SLC22A23: variants seen among roughly 807,000 people sequenced by gnomAD.
SLC22A23 encodes the protein solute carrier family 22 member 23.
Under a neutral mutation model 61.0 loss-of-function variants are expected in SLC22A23, and 26 were observed. The ratio of observed to expected loss-of-function variants is 0.43; its 90% CI spans 0.31 to 0.59. The LOEUF (loss-of-function observed/expected upper bound fraction) is 0.59. SLC22A23 is among the 20% of genes least tolerant of loss of function. The pLI is 0.11. For synonymous variants in SLC22A23, 430 were observed against 413.9 expected, an observed-to-expected ratio of 1.04 and a Z score of -0.47; for missense variants, 796 against 934.7, an observed-to-expected ratio of 0.85 and a Z score of 1.94.
rs1319113361 is a variant in SLC22A23 at position 3,322,611 on chromosome 6, C to A, written c.1082+1223G>T. 1.3e-5 allele frequency among the ~76,000 whole-genome samples: 2 copies of A among 152,132 alleles called. No homozygotes were observed. The highest frequency in any genetic ancestry group is 2.9e-5 in the Non-Finnish European group (2 of 68,018). ...GCCTTTTCCCATCTGCTATTGCTGG[C>A]CCCCTGCTGCTGCCGAGGTCCTCAT... On this transcript the variant is annotated intron_variant, in intron 4 of 9. Transcript: ENST00000406686. This position sits in a 1 kb window ranked among gnomAD's most constrained non-coding sequence, Gnocchi z 4.1.
intron 3 of SLC22A23, among the ~76,000 whole-genome samples, chr6:3,378,250 G>A (rs1766712081): frequency 6.6e-6 from 1 of 152,146 alleles, no homozygotes; most frequent in African/African-American, 2.4e-5. Context: ...TTGTCAGGTG[G>A]GTGCACTGAG....
chr6:3,325,155 G>A (rs1203446229), intron 3 of SLC22A23, among the ~76,000 whole-genome samples: 2 of 152,126 alleles, frequency 1.3e-5, no homozygotes, highest in African/African-American at 2.4e-5. Context: ...CAGACCCTTC[G>A]GAGAGAACAC....
chr6:3,395,148 A>T (rs7756955), intron 3 of SLC22A23, among the ~76,000 whole-genome samples: 147,016 of 152,338 alleles, frequency 0.97, 71,044 homozygotes, highest in East Asian at 1. Context: ...TCAGTGAAAA[A>T]CTTAGTCTTA....
intron 9 of SLC22A23, among the ~76,000 whole-genome samples, chr6:3,273,743 A>T (rs1349933266): frequency 6.6e-6 from 1 of 152,236 alleles, no homozygotes; most frequent in Non-Finnish European, 1.5e-5. Flanking sequence ...ATACTACTGT[A>T]AATGGGAAGC....
chr6:3,434,742 G>A (rs993887306), intron 1 of SLC22A23, among the ~76,000 whole-genome samples: 8 of 152,308 alleles, frequency 5.3e-5, no homozygotes, highest in East Asian at 3.9e-4. Flanking sequence ...GAGGAGACGC[G>A]AGGGGTGTGG....
chr6:3,310,288 A>AC (rs1762283956), intron 4 of SLC22A23, among the ~76,000 whole-genome samples: 3 of 140,268 alleles, frequency 2.1e-5, no homozygotes, highest in Non-Finnish European at 4.5e-5. Context: ...CCTGTCTCCC[A>AC]GGGAGCACCC....
In SLC22A23 at chr6:3,317,702, T is replaced by C. The variant is rs1489335753; in HGVS notation, c.1082+6132A>G. On this transcript the variant is annotated intron_variant, in intron 4 of 9. Coordinates refer to ENST00000406686, the MANE Select transcript of SLC22A23 (RefSeq NM_015482.2). This position sits in a 1 kb window ranked among gnomAD's most constrained non-coding sequence, Gnocchi z 4.4. ...CAGGCATCTGCGTCCATCAGTGCAA[T>C]CACCCAGCGCTTTGACGGCGTCTAC... is the stretch of plus-strand genomic sequence containing the variant. Among the ~76,000 whole-genome samples, 1 of 152,102 alleles carries C rather than the reference T, an allele frequency of 6.6e-6. No individual in the cohort carries two copies. The highest frequency in any genetic ancestry group is 1.9e-4 in the East Asian group (1 of 5,170).
rs928027 is a variant in SLC22A23 at position 3,454,812 on chromosome 6, G to T, written c.654+1094C>A. 0.79 allele frequency among the ~76,000 whole-genome samples: 120,860 copies of T among 152,146 alleles called. 48,523 individuals are homozygous for T. The highest frequency in any genetic ancestry group is 0.89 in the African/African-American group (37,035 of 41,532). ...GTAAGAGTTTATCTTACACATCCAT[G>T]AGCTACAACTGTTAACCAATGCACA... On this transcript the variant is annotated intron_variant, in intron 1 of 9. Transcript: ENST00000406686. The surrounding 1 kb of genome is among the most constrained non-coding windows in gnomAD (Gnocchi z 4.3).
Position 3,456,477 on chromosome 6 carries a change from G to A in SLC22A23, c.83C>T (p.Pro28Leu). 8.5e-7 allele frequency: 1 copy of A among 1,177,800 alleles called. No individual in the cohort carries two copies. The highest frequency in any genetic ancestry group is 1.0e-6 in the Non-Finnish European group (1 of 955,962). 73.0% of individuals were successfully genotyped at this position (1,177,800 alleles called of 1,614,324 possible). A position where few individuals can be genotyped will look rare whatever the true frequency, so the allele number is the denominator to read the frequency against. Residue 28 changes from proline (P) to leucine (L), a missense_variant, in exon 1 of 10, where the codon CCG (proline) becomes CTG (leucine). Pro to Leu is a moderately conservative substitution (Grantham distance 98). Transcript: ENST00000406686. The surrounding 1 kb of genome is among the most constrained non-coding windows in gnomAD (Gnocchi z 7.1). ...CGCCGAGGCCGCCGCGTCCCCGGGCGGCAGGGAGCCGTTCTCCTCGGCCGG... is the reference window on the plus strand; with the variant it reads ...CGCCGAGGCCGCCGCGTCCCCGGGCAGCAGGGAGCCGTTCTCCTCGGCCGG... Reference protein sequence around the residue: ...PAPAEENGSLPPGDAAASAPL... With the variant: ...PAPAEENGSLLPGDAAASAPL...
chr6:3,371,421 A>G (rs1766209584), intron 3 of SLC22A23, among the ~76,000 whole-genome samples: 1 of 152,250 alleles, frequency 6.6e-6, no homozygotes. Flanking sequence ...GTCACAAAAC[A>G]TTGAGCTTTT....
chr6:3,385,383 G>T (rs954194298), intron 3 of SLC22A23, among the ~76,000 whole-genome samples: 1 of 152,142 alleles, frequency 6.6e-6, no homozygotes, highest in Non-Finnish European at 1.5e-5. Flanking sequence ...GGGTGCGGTG[G>T]CCCATGGCTA....
intron 3 of SLC22A23, among the ~76,000 whole-genome samples, chr6:3,394,266 TCA>T (rs1444209883): frequency 6.6e-6 from 1 of 152,056 alleles, no homozygotes. Flanking sequence ...GATCCGTGTA[TCA>T]CAGAGTCATC....
At chr6:3,289,119 G>GACC (rs1307577318) in intron 6 of SLC22A23, among the ~76,000 whole-genome samples, 1 of 152,222 alleles carries the variant, frequency 6.6e-6, no homozygotes, top group Non-Finnish European at 1.5e-5. Flanking sequence ...CTGAACAAGG[G>GACC]ACCACCTTGC....
intron 3 of SLC22A23, among the ~76,000 whole-genome samples, chr6:3,325,900 C>T (rs774750322): frequency 4.6e-5 from 7 of 152,356 alleles, no homozygotes; most frequent in South Asian, 2.1e-4. Context: ...AGCATGATGG[C>T]GTCGTATCAG....
At position 3,415,070 on chromosome 6, in the gene SLC22A23, GGT is replaced by G. The variant is rs1161517211; in HGVS notation, c.758+680_758+681del. 1.3e-5 allele frequency among the ~76,000 whole-genome samples: 2 copies of G among 152,142 alleles called. 1 individual carries two copies. The highest frequency in any genetic ancestry group is 6.3e-3 in the Middle Eastern group (2 of 316). ...GGTAATAATAGCATCTCCTATTCGGGGTGTTGTAAGGAGATGTTAATGTATGG... is the reference window on the plus strand; with the variant it reads ...GGTAATAATAGCATCTCCTATTCGGGGTTGTAAGGAGATGTTAATGTATGG... On this transcript the variant is annotated intron_variant, in intron 2 of 9. Coordinates refer to ENST00000406686, the MANE Select transcript of SLC22A23 (RefSeq NM_015482.2).
chr6:3,402,416 C>CAACCCCAATCACCCACACTACCCA lies in SLC22A23; in HGVS notation c.913+7771_913+7772insTGGGTAGTGTGGGTGATTGGGGTT, dbSNP rs1286049655. The stretch of plus-strand genomic sequence containing the variant: ...GCTTTGTTATTCATAATTTAGATTC[C>CAACCCCAATCACCCACACTACCCA]GACCCCAATCACCAACACTACCCAG... On this transcript the variant is annotated intron_variant, in intron 3 of 9. Transcript: ENST00000406686. 4.1e-3 allele frequency among the ~76,000 whole-genome samples: 597 copies of CAACCCCAATCACCCACACTACCCA among 146,324 alleles called. 8 individuals carry two copies. Among genetic ancestry groups the CAACCCCAATCACCCACACTACCCA allele is most frequent in the Middle Eastern group, 0.011 (3 of 274 alleles).
At chr6:3,287,490 G>A (rs1171001265) in intron 6 of SLC22A23, among the ~76,000 whole-genome samples, 1 of 152,002 alleles carries the variant, frequency 6.6e-6, no homozygotes. Context: ...AGGGGCAGGG[G>A]GGCAGAGCAG....
chr6:3,289,971 G>C lies in SLC22A23; in HGVS notation c.1211-105C>G, dbSNP rs756168503. 9 of 725,234 alleles carry C rather than the reference G, an allele frequency of 1.2e-5. No individual in the cohort carries two copies. The Admixed American group carries it at 2.2e-4, about 18-fold the overall frequency. 44.9% of individuals were successfully genotyped at this position (725,234 alleles called of 1,614,324 possible). On this transcript the variant is annotated intron_variant, in intron 5 of 9. Transcript: ENST00000406686. ...TCCCCAGTTCGGGTACCACAGAAGG[G>C]AGAGAGAAGCTTTTTTTTTTTTTTT...
chr6:3,413,305 T>A (rs1769403169), intron 2 of SLC22A23, among the ~76,000 whole-genome samples: 1 of 152,182 alleles, frequency 6.6e-6, no homozygotes, highest in South Asian at 2.1e-4. Flanking sequence ...CCCTCCAACC[T>A]GGCAGAGAGC....
Sources: gnomAD v4.1 joint callset for allele counts (sites outside exome capture counted in the v4.1 genomes callset) on GRCh38, gnomAD v4.1.1 for gene constraint, Gnocchi (gnomAD v3.1) non-coding constraint, MANE v1.5 for transcripts, NCBI Gene and HGNC (gene_info 2026-07-23, HGNC 2026-07-21) for gene names.